The following FAN1 variants were observed in gnomAD, a reference collection of about 807,000 sequenced individuals.
The protein encoded by FAN1 is fanconi-associated nuclease 1.
In FAN1, 91 loss-of-function variants were observed where a neutral mutation model predicts 104.9. The ratio of observed to expected loss-of-function variants is 0.87; its 90% confidence interval spans 0.73 to 1.03. FAN1 has a LOEUF of 1.03. Ranked by LOEUF, FAN1 falls within the 50% of genes least tolerant of loss-of-function variation. The pLI is 0.00. For synonymous variants in FAN1, 478 were observed against 457.6 expected, an observed-to-expected ratio of 1.04 and a Z score of -0.57; for missense variants, 1,263 against 1,239.9, an observed-to-expected ratio of 1.02 and a Z score of -0.28.
At position 30,905,906 on chromosome 15, in the gene FAN1, C is replaced by G; in HGVS notation, c.1234+9C>G. On this transcript the variant is annotated intron_variant, in intron 2 of 14. Coordinates refer to ENST00000362065, the MANE Select transcript of FAN1 (RefSeq NM_014967.5). Reference sequence around the variant, plus strand: ...ATTTTATCAGTTATCAGGTATCTTACGCACGTGTTTGTTTTCAAGTTTTCA... The same window carrying G: ...ATTTTATCAGTTATCAGGTATCTTAGGCACGTGTTTGTTTTCAAGTTTTCA... The G allele has an allele frequency of 6.2e-7, 1 of 1,603,436 alleles. No individual in the cohort carries two copies. The highest frequency in any genetic ancestry group is 8.5e-7 in the Non-Finnish European group (1 of 1,173,916).
rs10152143 is a variant in FAN1 at position 30,929,542 on chromosome 15, C to A, written c.2787+145C>A. On this transcript the variant is annotated intron_variant, in intron 12 of 14. Transcript: ENST00000362065. Reference sequence around the variant, plus strand: ...CATATATATGATATATAGTATATATCATATATAAAATATATATTATATCTT... The same window carrying A: ...CATATATATGATATATAGTATATATAATATATAAAATATATATTATATCTT... The A allele has an allele frequency of 0.63, 127,872 of 201,880 alleles. 41,199 individuals are homozygous for A. The highest frequency in any genetic ancestry group is 0.98 in the East Asian group (8,548 of 8,736). The allele number at this position is 201,880 out of a possible 1,614,324, so 12.5% of individuals were successfully genotyped here. A position where few individuals can be genotyped will look rare whatever the true frequency, so the allele number is the denominator to read the frequency against.
chr15:30,910,155 G>T (rs1468643638), intron 3 of FAN1, among the ~76,000 whole-genome samples: 1 of 152,260 alleles, frequency 6.6e-6, no homozygotes. Flanking sequence ...CCTAGGCCAA[G>T]GTTGGTGTCG....
chr15:30,939,342 C>T, intron 14 of FAN1: 1 of 985,448 alleles, frequency 1.0e-6, no homozygotes, highest in Non-Finnish European at 1.2e-6. Context: ...TGCTGGCGGG[C>T]AGCAGGGGTG....
chr15:30,941,627 G>T lies in FAN1; in HGVS notation c.*65G>T, dbSNP rs766928765. 6.0e-5 allele frequency: 97 copies of T among 1,606,558 alleles called. No individual in the cohort carries two copies. The highest frequency in any genetic ancestry group is 8.2e-5 in the Non-Finnish European group (96 of 1,176,324). ...AAACTCCGGTGTCCCCGAGGTGTCG[G>T]TGTGGTGAGGGCCGCTGGCGTTGAA... On this transcript the variant is annotated 3_prime_UTR_variant, in exon 15 of 15. Transcript: ENST00000362065.
rs1474382 is a variant in FAN1, at chr15:30,922,446, A to G, written c.2172+92A>G. ...ACTTAATGCCTTAAAATTTACATGT[A>G]ATTAGAACATGTATTTCTTTTGTTA... On this transcript the variant is annotated intron_variant, in intron 8 of 14. Transcript: ENST00000362065. The G allele has an allele frequency of 0.16, 198,047 of 1,231,768 alleles. 17,233 individuals are homozygous for G. Among genetic ancestry groups the G allele is most frequent in the African/African-American group, 0.3 (19,597 of 66,136 alleles). 76.3% of individuals were successfully genotyped at this position (1,231,768 alleles called of 1,614,324 possible).
rs193193993 is a variant in FAN1 at position 30,918,285 on chromosome 15, C to A, written c.1933C>A (p.Pro645Thr). The change falls in exon 6 of 15, where the codon CCT becomes ACT. Residue 645 changes from proline (P) to threonine (T), a missense_variant. By Grantham distance (38) the Pro-to-Thr change is conservative. Transcript: ENST00000362065. ...GGATTGGAACAGACTGAAAAACCAC[C>A]CTTCTCTGAGGTGAGAGTTTTTCTA... ...KRDWNRLKNHPSLRCHEDLPL... is the reference protein window; with the variant it reads ...KRDWNRLKNHTSLRCHEDLPL... 3.1e-6 allele frequency: 5 copies of A among 1,614,068 alleles called. No homozygotes were observed. In the Admixed American group the frequency reaches 8.3e-5, roughly 27 times the overall value.
chr15:30,908,336 T>C (rs2062028259), intron 3 of FAN1, 78 bp downstream of exon 3: 1 of 1,287,382 alleles, frequency 7.8e-7, no homozygotes. Flanking sequence ...GGCAGTATTA[T>C]TATGGTGCCC....
At chr15:30,939,936 T>A in intron 14 of FAN1, 1 of 985,170 alleles carries the variant, frequency 1.0e-6, no homozygotes, top group Non-Finnish European at 1.2e-6. Context: ...TCTTAAGATA[T>A]TTTTTAAGAA....
intron 10 of FAN1, chr15:30,926,808 A>G: frequency 1.0e-6 from 1 of 985,430 alleles, no homozygotes; most frequent in Non-Finnish European, 1.2e-6. Context: ...TGAGCCTGAA[A>G]AACACACGAT....
Position 30,920,574 on chromosome 15 carries a change from G to T in FAN1, c.1973G>T (p.Arg658Leu). Residue 658 changes from arginine to leucine, a missense_variant, in exon 7 of 15, where the codon CGG becomes CTG. Physicochemically the swap from Arg to Leu is moderately radical, Grantham distance 102 (BLOSUM62 -2). Around this residue, in one of 2 missense-constraint regions of FAN1, gnomAD observed 581 missense variants for 668.8 expected, o/e 0.87. Coordinates refer to ENST00000362065, the MANE Select transcript of FAN1 (RefSeq NM_014967.5). ...RCHEDLPLFL[R>L]CFTVGWIYTR... ...CACGAAGATTTACCACTCTTCCTGC[G>T]GTGTTTCACTGTTGGGTGGATTTAT... 1 of 1,609,948 alleles carries T rather than the reference G, an allele frequency of 6.2e-7. No homozygotes were observed. Among genetic ancestry groups the T allele is most frequent in the East Asian group, 2.2e-5 (1 of 44,652 alleles).
chr15:30,906,276 T>C, intron 2 of FAN1: 1 of 455,690 alleles, frequency 2.2e-6, no homozygotes, highest in South Asian at 1.6e-5. Flanking sequence ...TAGGTTGTTT[T>C]GTTGTTCCTC....
intron 7 of FAN1, among the ~76,000 whole-genome samples, chr15:30,921,339 C>G (rs1459311592): frequency 1.3e-5 from 2 of 152,042 alleles, no homozygotes; most frequent in Non-Finnish European, 2.9e-5. Context: ...TCTGAGGGAC[C>G]TTTTGCTTCC....
chr15:30,939,032 C>T (rs749281221), intron 14 of FAN1: 24 of 985,384 alleles, frequency 2.4e-5, no homozygotes, highest in Non-Finnish European at 2.9e-5. Context: ...TTGCTCATCC[C>T]ACTTGAACTC....
At chr15:30,919,855 G>T (rs2062282190) in intron 6 of FAN1, among the ~76,000 whole-genome samples, 1 of 152,134 alleles carries the variant, frequency 6.6e-6, no homozygotes, top group Non-Finnish European at 1.5e-5. Context: ...CTCAGGGGTG[G>T]CAGAAGCAGA....
chr15:30,911,644 G>A (rs2062103292), intron 4 of FAN1: 1 of 918,838 alleles, frequency 1.1e-6, no homozygotes, highest in Admixed American at 6.2e-5. Flanking sequence ...GACTTGAGAA[G>A]TATAGAATCC....
Position 30,908,258 on chromosome 15 carries a change from G to A in FAN1, c.1375G>A (p.Glu459Lys), listed in dbSNP as rs768326389. The A allele has an allele frequency of 6.3e-7, 1 of 1,592,676 alleles. No homozygotes were observed. The highest frequency in any genetic ancestry group is 1.4e-5 in the African/African-American group (1 of 74,072). Residue 459 changes from glutamate to lysine, a missense_variant and splice_region_variant, in exon 3 of 15, where the codon GAA becomes AAA. Transcript: ENST00000362065. ...ELTNAGFLQT[E>K]SELQELSEVL... ...GACGAATGCAGGCTTTCTACAGACA[G>A]GTATGACTAGTAGAAGGAGATGTGA... is the stretch of plus-strand genomic sequence containing the variant.
rs796444081 is a variant in FAN1 at position 30,920,631 on chromosome 15, T to G, written c.2030T>G (p.Leu677Arg). ...ATTTTGTCTCGGTTTGTGGAAATAC[T>G]GCAGAGACTTCACATGTATGAGGTT... ...TRILSRFVEI[L>R]QRLHMYEEAV... Residue 677 changes from leucine (L) to arginine (R), a missense_variant, in exon 7 of 15, where the codon CTG becomes CGG. Around this residue, in one of 2 missense-constraint regions of FAN1, gnomAD observed 581 missense variants for 668.8 expected, o/e 0.87. Coordinates refer to ENST00000362065, the MANE Select transcript of FAN1 (RefSeq NM_014967.5). The G allele has an allele frequency of 6.2e-7, 1 of 1,608,742 alleles. No individual in the cohort carries two copies. The highest frequency in any genetic ancestry group is 8.5e-7 in the Non-Finnish European group (1 of 1,175,854).
At chr15:30,906,264 A>C in intron 2 of FAN1, 2 of 453,234 alleles carry the variant, frequency 4.4e-6, no homozygotes, top group Admixed American at 5.1e-5. Context: ...CAGGCTTTCC[A>C]TTAGGTTGTT....
chr15:30,926,750 G>A (rs902766075), intron 10 of FAN1: 14 of 985,322 alleles, frequency 1.4e-5, no homozygotes, highest in Admixed American at 1.2e-4. Context: ...CGCTGGAGGA[G>A]GAAGCAGGCT....
Sources: allele counts gnomAD v4.1 joint callset (sites outside exome capture counted in the v4.1 genomes callset), GRCh38; gene constraint gnomAD v4.1.1; regional missense constraint gnomAD v4.1.1; transcripts MANE v1.5; gene names NCBI Gene and HGNC (gene_info 2026-07-23, HGNC 2026-07-21).